The following MTTP variants were observed in gnomAD, a reference collection of about 807,000 sequenced individuals.
The protein encoded by MTTP is microsomal triglyceride transfer protein, also known as microsomal triglyceride transfer protein large subunit.
Under a neutral mutation model 90.6 loss-of-function variants are expected in MTTP, and 49 were observed. That is an observed-to-expected ratio of 0.54 (90% confidence interval 0.43 to 0.69). The LOEUF is 0.69. MTTP is among the 30% of genes least tolerant of loss of function. The pLI is 0.00. For synonymous variants in MTTP, 347 were observed against 384.2 expected, an observed-to-expected ratio of 0.90 and a Z score of 1.13; for missense variants, 945 against 1,067.5, an observed-to-expected ratio of 0.89 and a Z score of 1.60.
At chr4:99,567,539 A>G (rs1724732570) in intron 1 of MTTP, among the ~76,000 whole-genome samples, 1 of 152,222 alleles carries the variant, frequency 6.6e-6, no homozygotes, top group Non-Finnish European at 1.5e-5. Context: ...CAGGTTGTTC[A>G]GCAGACTCTA....
intron 11 of MTTP, 126 bp from the exon 12 acceptor site, chr4:99,608,640 A>G: frequency 2.5e-6 from 2 of 807,936 alleles, no homozygotes; most frequent in South Asian, 2.9e-5. Flanking sequence ...ACCAAATCAC[A>G]AAGGAATCTG....
At chr4:99,611,297 ACT>A (rs752779201) in intron 13 of MTTP, 33 bp from the exon 14 acceptor site, 5 of 1,613,968 alleles carry the variant, frequency 3.1e-6, no homozygotes, top group Non-Finnish European at 4.2e-6. Context: ...CATTGCTGGA[ACT>A]GCTATTAAAT....
At position 99,576,526 on chromosome 4, in the gene MTTP, T is replaced by C. The variant is rs891104567; in HGVS notation, c.61+1556T>C. ...CCGGCTAAAACGGTGAAACCCCGTC[T>C]CTACTAAAAATACAAAAAATTAGCC... On this transcript the variant is annotated intron_variant, in intron 1 of 17. Coordinates refer to ENST00000265517, the MANE Select transcript of MTTP (RefSeq NM_001386140.1). Among the ~76,000 whole-genome samples the C allele has an allele frequency of 1.1e-3, 167 of 151,024 alleles. 1 individual carries two copies. Among genetic ancestry groups the C allele is most frequent in the African/African-American group, 3.5e-3 (144 of 41,196 alleles).
chr4:99,621,872 G>A (rs745634874), intron 17 of MTTP, among the ~76,000 whole-genome samples: 1 of 152,178 alleles, frequency 6.6e-6, no homozygotes, highest in Non-Finnish European at 1.5e-5. Context: ...GAGCTAGAAT[G>A]CCTTGAGTCT....
At chr4:99,582,803 G>A (rs1364205727) in intron 2 of MTTP, among the ~76,000 whole-genome samples, 2 of 152,042 alleles carry the variant, frequency 1.3e-5, no homozygotes, top group Non-Finnish European at 2.9e-5. Flanking sequence ...TTTATATTGA[G>A]GTGTCATAGC....
At chr4:99,572,729 T>C (rs1479620712), upstream of MTTP, among the ~76,000 whole-genome samples, 1 of 152,046 alleles carries the variant, frequency 6.6e-6, no homozygotes, top group Non-Finnish European at 1.5e-5. Flanking sequence ...TTGCACAGTG[T>C]TTGCTGTGGA....
chr4:99,601,177 T>A (rs1383758607), intron 9 of MTTP, among the ~76,000 whole-genome samples: 3 of 152,192 alleles, frequency 2.0e-5, no homozygotes, highest in Non-Finnish European at 2.9e-5. Context: ...TGTCCAAGAA[T>A]GTTATCTATT....
rs61347413 is a variant in MTTP at position 99,622,068 on chromosome 4, C to T, written c.2514-609C>T. On this transcript the variant is annotated intron_variant, in intron 17 of 17. Transcript: ENST00000265517. The stretch of plus-strand genomic sequence containing the variant: ...AACGCATTGATTATATAAAAGTAAA[C>T]GAGTCAGTTGTATTTTCAGAGAATA... Among the ~76,000 whole-genome samples, 381 of 152,142 alleles carry T rather than the reference C, an allele frequency of 2.5e-3. 27 individuals carry two copies. In the East Asian group the frequency reaches 0.066, roughly 26 times the overall value.
At chr4:99,564,307 A>G in intron 1 of MTTP, 1 of 1,435,900 alleles carries the variant, frequency 7.0e-7, no homozygotes, top group Middle Eastern at 1.8e-4. Context: ...AAAGGCTCCT[A>G]ATTTTTCTGT....
At chr4:99,594,977 T>TA in intron 7 of MTTP, 94 bp downstream of exon 7, 1 of 1,479,506 alleles carries the variant, frequency 6.8e-7, no homozygotes, top group East Asian at 2.3e-5. Flanking sequence ...TGAAGACAGT[T>TA]TCTAAAGAAC....
Position 99,623,010 on chromosome 4 carries a change from T to A in MTTP, c.*162T>A. ...ACTGCAGTTTGATCAAATTTGGGTA[T>A]ATGCAGTATGCTACCCACAGCGTCA... On this transcript the variant is annotated 3_prime_UTR_variant, in exon 18 of 18. Transcript: ENST00000265517. The A allele has an allele frequency of 1.4e-6, 1 of 738,530 alleles. No homozygotes were observed. The highest frequency in any genetic ancestry group is 2.3e-6 in the Non-Finnish European group (1 of 425,620). 45.7% of individuals were successfully genotyped at this position (738,530 alleles called of 1,614,324 possible).
intron 15 of MTTP, among the ~76,000 whole-genome samples, chr4:99,616,237 T>C (rs1726096431): frequency 6.6e-6 from 1 of 151,910 alleles, no homozygotes; most frequent in Middle Eastern, 3.4e-3. Flanking sequence ...CTACAAAAAA[T>C]AAAAAAATTA....
intron 9 of MTTP, 101 bp from the exon 10 acceptor site, chr4:99,601,506 A>G: frequency 1.0e-6 from 1 of 954,004 alleles, no homozygotes; most frequent in Non-Finnish European, 1.7e-6. Flanking sequence ...CTAGAAACAT[A>G]AAAATACTTT....
chr4:99,577,984 C>G (rs1315756948), intron 1 of MTTP, among the ~76,000 whole-genome samples: 1 of 151,996 alleles, frequency 6.6e-6, no homozygotes, highest in Non-Finnish European at 1.5e-5. Context: ...TACCCTTCAT[C>G]TTCTTTTTTA....
chr4:99,600,439 G>T, intron 8 of MTTP, 126 bp from the exon 9 acceptor site: 3 of 980,172 alleles, frequency 3.1e-6, no homozygotes, highest in Non-Finnish European at 3.1e-6. Context: ...TTTTTCATTT[G>T]TTCAAATTAA....
chr4:99,575,297 G>A (rs992848823), intron 1 of MTTP, among the ~76,000 whole-genome samples: 4 of 152,106 alleles, frequency 2.6e-5, no homozygotes, highest in Admixed American at 2.6e-4. Context: ...GCTGTTGTTG[G>A]TCACATTGAA....
chr4:99,621,695 G>C (rs1364531099), intron 17 of MTTP, among the ~76,000 whole-genome samples: 1 of 152,120 alleles, frequency 6.6e-6, no homozygotes, highest in Non-Finnish European at 1.5e-5. Flanking sequence ...ACTTGACCCT[G>C]TTTAAGTTTT....
At position 99,613,105 on chromosome 4, in the gene MTTP, G is replaced by A. The variant is rs1578254197; in HGVS notation, c.2182G>A (p.Val728Met). 1 of 1,613,956 alleles carries A rather than the reference G, an allele frequency of 6.2e-7. No individual in the cohort carries two copies. The highest frequency in any genetic ancestry group is 8.5e-7 in the Non-Finnish European group (1 of 1,179,896). ...AGCATCTGGCGACCCTATCAGTGTGGTGAAAGGACTTATTCTGCTAATAGA... is the reference window on the plus strand; with the variant it reads ...AGCATCTGGCGACCCTATCAGTGTGATGAAAGGACTTATTCTGCTAATAGA... ...LSASGDPISV[V>M]KGLILLIDHS... The change falls in exon 15 of 18, where the codon GTG becomes ATG. Residue 728 changes from valine (V) to methionine (M), a missense_variant. Physicochemically the swap from Val to Met is conservative, Grantham distance 21. Coordinates refer to ENST00000265517, the MANE Select transcript of MTTP (RefSeq NM_001386140.1).
intron 16 of MTTP, 71 bp from the exon 17 acceptor site, chr4:99,620,990 G>A: frequency 1.4e-6 from 2 of 1,434,192 alleles, no homozygotes; most frequent in Non-Finnish European, 9.7e-7. Flanking sequence ...ACCCTGTAAA[G>A]TTACAGCTGT....
Sources: allele counts gnomAD v4.1 joint callset (sites outside exome capture counted in the v4.1 genomes callset), GRCh38; gene constraint gnomAD v4.1.1; transcripts MANE v1.5; gene names NCBI Gene and HGNC (gene_info 2026-07-23, HGNC 2026-07-21).